The following NAALADL2 variants were observed in gnomAD, a reference collection of about 807,000 sequenced individuals.
The protein encoded by NAALADL2 is inactive N-acetylated-alpha-linked acidic dipeptidase-like protein 2.
Under a neutral mutation model 87.2 loss-of-function variants are expected in NAALADL2, and 76 were observed. That is an observed-to-expected ratio of 0.87 (90% confidence interval 0.72 to 1.05). The LOEUF is 1.05. NAALADL2 is among the 50% of genes least tolerant of loss of function. The probability of loss-of-function intolerance (pLI) is 0.00; values close to 1 mark genes in which losing one functional copy is unlikely to be tolerated. For synonymous variants in NAALADL2, 354 were observed against 331.0 expected (o/e 1.07, Z -0.75); for missense variants, 1,089 against 945.8 (o/e 1.15, Z -1.99).
chr3:174,735,717 G>A (rs1733127698), intron 2 of NAALADL2, among the ~76,000 whole-genome samples: 1 of 152,030 alleles, frequency 6.6e-6, no homozygotes, highest in South Asian at 2.1e-4. Context: ...GCACCATCAT[G>A]CCCAGCTAAT....
At chr3:174,477,476 G>A (rs940498091) in intron 1 of NAALADL2, among the ~76,000 whole-genome samples, 1 of 152,154 alleles carries the variant, frequency 6.6e-6, no homozygotes, top group Non-Finnish European at 1.5e-5. Flanking sequence ...TGCTATAGGT[G>A]TACACTTAGA....
intron 2 of NAALADL2, among the ~76,000 whole-genome samples, chr3:174,607,088 A>G (rs1467588105): frequency 6.6e-6 from 1 of 152,168 alleles, no homozygotes; most frequent in Admixed American, 6.5e-5. Flanking sequence ...TGAAGGAGAA[A>G]TAAAATCCTT....
chr3:175,586,220 A>G (rs1435382793), intron 10 of NAALADL2, among the ~76,000 whole-genome samples: 5 of 149,270 alleles, frequency 3.3e-5, no homozygotes, highest in Non-Finnish European at 7.4e-5. Flanking sequence ...ACAGAAACTT[A>G]TCTTGTTTTT....
Position 174,749,377 on chromosome 3 carries a change from C to T in NAALADL2, c.-9+11631C>T, listed in dbSNP as rs143224120. ...GTAAATCCACAGGCAATGTCTAAAA[C>T]GATTGTTAATGCTTATGATTAGAAT... On this transcript the variant is annotated intron_variant, in intron 3 of 3. Transcript: ENST00000434257. Among the ~76,000 whole-genome samples, 651 of 152,132 alleles carry T rather than the reference C, an allele frequency of 4.3e-3. 5 individuals are homozygous for T. Among genetic ancestry groups the T allele is most frequent in the African/African-American group, 0.012 (487 of 41,504 alleles).
intron 1 of NAALADL2, among the ~76,000 whole-genome samples, chr3:174,465,084 T>C (rs889192035): frequency 3.3e-5 from 5 of 152,234 alleles, no homozygotes; most frequent in Admixed American, 1.3e-4. Context: ...TGAATATTTA[T>C]TATATTAATG....
intron 2 of NAALADL2, among the ~76,000 whole-genome samples, chr3:175,137,607 CT>C (rs66682761): frequency 0.27 from 36,338 of 134,070 alleles, 4,006 homozygotes; most frequent in South Asian, 0.32. Context: ...GAGATTGACC[CT>C]TTTTTTTTTT....
At chr3:175,777,574 G>A (rs1036671562) in intron 13 of NAALADL2, among the ~76,000 whole-genome samples, 39 of 152,044 alleles carry the variant, frequency 2.6e-4, no homozygotes, top group African/African-American at 8.0e-4. Flanking sequence ...CGAGAAACTC[G>A]TGTTCTTCAA....
intron 3 of NAALADL2, among the ~76,000 whole-genome samples, chr3:174,834,417 A>T (rs1202921777): frequency 6.6e-6 from 1 of 150,836 alleles, no homozygotes; most frequent in African/African-American, 2.5e-5. Flanking sequence ...CTACTCTCTC[A>T]ATTTCTGTCT....
chr3:174,635,769 C>T (rs1424598140), intron 2 of NAALADL2, among the ~76,000 whole-genome samples: 2 of 152,110 alleles, frequency 1.3e-5, no homozygotes, highest in East Asian at 1.9e-4. Context: ...TCCCAAAGTG[C>T]TGGGATTACA....
rs541509815 is a variant in NAALADL2, at chr3:175,718,211, T to G, written c.1897-19095T>G. On this transcript the variant is annotated intron_variant, in intron 11 of 13. Transcript: ENST00000454872. ...GGGCCTGTGGTTTTTTTTTTTTTTT[T>G]TTTTTTTTTTTTGATTAGTTGCTGT... 17 of 754,064 alleles carry G rather than the reference T, an allele frequency of 2.3e-5. No homozygotes were observed. The East Asian group carries it at 4.2e-4, about 19-fold the overall frequency. The allele number at this position is 754,064 out of a possible 1,614,324, so 46.7% of individuals were successfully genotyped here.
intron 9 of NAALADL2, among the ~76,000 whole-genome samples, chr3:175,489,008 A>G (rs140575050): frequency 8.0e-4 from 122 of 152,300 alleles, no homozygotes; most frequent in African/African-American, 2.7e-3. Flanking sequence ...ACAGACCAGG[A>G]TTTCATCTTA....
At chr3:175,039,143 A>G (rs886453305) in intron 1 of NAALADL2, among the ~76,000 whole-genome samples, 4 of 152,084 alleles carry the variant, frequency 2.6e-5, no homozygotes, top group African/African-American at 9.7e-5. Flanking sequence ...ATTTTTTATA[A>G]AGTTTCAGCT....
intron 11 of NAALADL2, among the ~76,000 whole-genome samples, chr3:175,672,818 T>C (rs1265198951): frequency 1.3e-5 from 2 of 152,196 alleles, no homozygotes; most frequent in African/African-American, 4.8e-5. Context: ...AATCTGATAA[T>C]CTTGTAAATA....
intron 13 of NAALADL2, among the ~76,000 whole-genome samples, chr3:175,781,558 T>C (rs1751074536): frequency 2.6e-5 from 4 of 152,018 alleles, no homozygotes; most frequent in Non-Finnish European, 5.9e-5. Context: ...ATACATTGAA[T>C]TGTTATATTA....
At chr3:174,788,456 A>C (rs1342480685) in intron 3 of NAALADL2, among the ~76,000 whole-genome samples, 1 of 152,188 alleles carries the variant, frequency 6.6e-6, no homozygotes, top group Non-Finnish European at 1.5e-5. Context: ...CCAGGGGTCA[A>C]CCAGTTTGGT....
intron 2 of NAALADL2, among the ~76,000 whole-genome samples, chr3:174,720,398 A>G (rs1731595135): frequency 1.3e-5 from 2 of 152,176 alleles, no homozygotes; most frequent in African/African-American, 4.8e-5. Context: ...ATGATAGGTA[A>G]TCTAGGATAA....
intron 1 of NAALADL2, among the ~76,000 whole-genome samples, chr3:174,980,782 A>G (rs958384314): frequency 6.6e-6 from 1 of 151,796 alleles, no homozygotes; most frequent in African/African-American, 2.4e-5. Context: ...CTTGTTCGAT[A>G]TGCTATAAAT....
chr3:175,171,527 G>A (rs946309048), intron 2 of NAALADL2, among the ~76,000 whole-genome samples: 12 of 152,048 alleles, frequency 7.9e-5, no homozygotes, highest in African/African-American at 2.9e-4. Context: ...AACATTGGTA[G>A]TATGAAAAGT....
At chr3:174,508,113 G>GTTTTTTTTTTTTTTTTTT (rs1560020933) in intron 1 of NAALADL2, among the ~76,000 whole-genome samples, 4 of 92,940 alleles carry the variant, frequency 4.3e-5, no homozygotes, top group African/African-American at 1.6e-4. Context: ...GATATCTAGT[G>GTTTTTTTTTTTTTTTTTT]GTTTTTTTTT....
Sources: allele counts gnomAD v4.1 joint callset (sites outside exome capture counted in the v4.1 genomes callset), GRCh38; gene constraint gnomAD v4.1.1; transcripts MANE v1.5; gene names NCBI Gene and HGNC (gene_info 2026-07-23, HGNC 2026-07-21).